Variants in ANKS1B observed in about 807,000 individuals in gnomAD.
The protein encoded by ANKS1B is ankyrin repeat and sterile alpha motif domain-containing protein 1B.
ANKS1B carries 36 observed loss-of-function variants against 148.3 expected under a neutral mutation model. That is an observed-to-expected ratio of 0.24 (90% CI 0.19 to 0.32). ANKS1B has a LOEUF of 0.32. ANKS1B is among the 10% of genes least tolerant of loss of function. The probability of loss-of-function intolerance (pLI) is 1.00; values close to 1 mark genes in which losing one functional copy is unlikely to be tolerated. For missense variants in ANKS1B, 1,157 were observed against 1,542.6 expected (o/e 0.75, Z 4.19); for synonymous variants, 542 against 560.8 (o/e 0.97, Z 0.47).
At chr12:99,259,708 C>T (rs1053134992) in intron 12 of ANKS1B, among the ~76,000 whole-genome samples, 1 of 152,132 alleles carries the variant, frequency 6.6e-6, no homozygotes, top group Non-Finnish European at 1.5e-5. Flanking sequence ...TCTTGGCATG[C>T]GCTTTGCATT....
intron 15 of ANKS1B, among the ~76,000 whole-genome samples, chr12:99,095,565 G>A (rs2055757998): frequency 6.6e-6 from 1 of 152,114 alleles, no homozygotes; most frequent in Non-Finnish European, 1.5e-5. Flanking sequence ...GGTTAGTTCT[G>A]CATAAAAAAC....
chr12:99,830,190 C>A (rs1027456466), intron 1 of ANKS1B, among the ~76,000 whole-genome samples: 1 of 152,132 alleles, frequency 6.6e-6, no homozygotes, highest in Non-Finnish European at 1.5e-5. Context: ...AATAAGATAT[C>A]ATCTCTTCCT....
rs1025878159 is a variant in ANKS1B, at chr12:98,751,664, A to T, written c.3580-142T>A. The T allele has an allele frequency of 6.2e-6, 5 of 809,344 alleles. No individual in the cohort carries two copies. Among genetic ancestry groups the T allele is most frequent in the Non-Finnish European group, 1.0e-5 (5 of 494,432 alleles). The allele number at this position is 809,344 out of a possible 1,614,324, so 50.1% of individuals were successfully genotyped here. A position where few individuals can be genotyped will look rare whatever the true frequency, so the allele number is the denominator to read the frequency against. ...GGCAGCAGCGATTCGGTGGAAATCTACAAAGAACAGGACACTCCGGGTCCA... is the reference window on the plus strand; with the variant it reads ...GGCAGCAGCGATTCGGTGGAAATCTTCAAAGAACAGGACACTCCGGGTCCA... On this transcript the variant is annotated intron_variant, in intron 25 of 26. Transcript: ENST00000683438. This position sits in a 1 kb window ranked among gnomAD's most constrained non-coding sequence, Gnocchi z 4.3.
At chr12:99,865,689 G>A (rs529523092) in intron 1 of ANKS1B, among the ~76,000 whole-genome samples, 10 of 152,238 alleles carry the variant, frequency 6.6e-5, no homozygotes, top group Non-Finnish European at 1.3e-4. Flanking sequence ...ATAGTAGGAG[G>A]AAAAAGAAGG....
chr12:99,455,415 A>G (rs2095831439), intron 10 of ANKS1B, among the ~76,000 whole-genome samples: 1 of 152,186 alleles, frequency 6.6e-6, no homozygotes, highest in Non-Finnish European at 1.5e-5. Flanking sequence ...ATAGGAACAT[A>G]CCAGGAAAGC....
At chr12:99,802,605 C>G (rs977744481) in intron 4 of ANKS1B, among the ~76,000 whole-genome samples, 4 of 152,038 alleles carry the variant, frequency 2.6e-5, no homozygotes, top group Non-Finnish European at 5.9e-5. Context: ...ATATTAACAT[C>G]AATGCTGCAT....
intron 10 of ANKS1B, among the ~76,000 whole-genome samples, chr12:99,460,298 A>G (rs1189739436): frequency 6.6e-6 from 1 of 152,214 alleles, no homozygotes; most frequent in Non-Finnish European, 1.5e-5. Context: ...CTAAGACCTG[A>G]AACCATAACA....
At chr12:99,873,346 C>T (rs1266908328) in intron 1 of ANKS1B, among the ~76,000 whole-genome samples, 2 of 152,110 alleles carry the variant, frequency 1.3e-5, no homozygotes, top group Non-Finnish European at 2.9e-5. Context: ...TTCTTTGGAG[C>T]CACTCGATTC....
intron 2 of ANKS1B, among the ~76,000 whole-genome samples, chr12:99,817,553 T>C (rs764962231): frequency 2.0e-5 from 3 of 151,642 alleles, no homozygotes; most frequent in Admixed American, 1.3e-4. Context: ...TGAAATCATA[T>C]AGTAATTCTA....
At chr12:99,623,621 T>G (rs112607638) in intron 9 of ANKS1B, among the ~76,000 whole-genome samples, 2,064 of 151,654 alleles carry the variant, frequency 0.014, 49 homozygotes, top group African/African-American at 0.047. Flanking sequence ...GGCTCTTATC[T>G]GAGAGCCATA....
rs147851221 is a variant in ANKS1B at position 99,836,982 on chromosome 12, A to G, written c.135-11593T>C. ...TCTCTGGAACGTGTGCATATTTTGT[A>G]TTACACAGCAAGGGAGAATTAAGGT... On this transcript the variant is annotated intron_variant, in intron 1 of 26. Coordinates refer to ENST00000683438, the MANE Select transcript of ANKS1B (RefSeq NM_001352186.2). 1.7e-3 allele frequency among the ~76,000 whole-genome samples: 254 copies of G among 152,278 alleles called. 1 individual carries two copies. The highest frequency in any genetic ancestry group is 3.8e-3 in the African/African-American group (160 of 41,564).
At chr12:99,416,945 G>C (rs1258108530) in intron 11 of ANKS1B, among the ~76,000 whole-genome samples, 2 of 152,130 alleles carry the variant, frequency 1.3e-5, no homozygotes, top group Non-Finnish European at 2.9e-5. Flanking sequence ...AAGGGAGAAG[G>C]GCAGGCTCTT....
chr12:98,999,943 A>G (rs758262372), intron 17 of ANKS1B, among the ~76,000 whole-genome samples: 50 of 152,114 alleles, frequency 3.3e-4, no homozygotes, highest in Non-Finnish European at 6.6e-4. Flanking sequence ...TCACACTGCA[A>G]ATTTTACGAG....
intron 2 of ANKS1B, among the ~76,000 whole-genome samples, chr12:99,812,709 T>C (rs183160655): frequency 1.6e-4 from 24 of 151,398 alleles, no homozygotes; most frequent in Non-Finnish European, 2.8e-4. Flanking sequence ...ATTTTTTTTT[T>C]TAAAAAAAGA....
intron 25 of ANKS1B, among the ~76,000 whole-genome samples, chr12:98,766,272 T>G (rs921553794): frequency 6.6e-6 from 1 of 152,098 alleles, no homozygotes; most frequent in African/African-American, 2.4e-5. Flanking sequence ...TATCTATTCT[T>G]TTTTGGGAGG....
intron 17 of ANKS1B, among the ~76,000 whole-genome samples, chr12:99,015,780 G>A (rs1316824357): frequency 6.6e-6 from 1 of 152,024 alleles, no homozygotes; most frequent in Non-Finnish European, 1.5e-5. Flanking sequence ...GCAGGAGAAT[G>A]GTGTGAACCT....
intron 12 of ANKS1B, among the ~76,000 whole-genome samples, chr12:99,355,529 T>C (rs2091892399): frequency 6.6e-6 from 1 of 152,308 alleles, no homozygotes; most frequent in Non-Finnish European, 1.5e-5. Flanking sequence ...TAAGCCTCAC[T>C]GCCCTGCAAA....
In ANKS1B at chr12:98,995,393, C is replaced by A. The variant is rs533039793; in HGVS notation, c.2778+57764G>T. Among the ~76,000 whole-genome samples, 3 of 152,174 alleles carry A rather than the reference C, an allele frequency of 2.0e-5. No homozygotes were observed. In the South Asian group the frequency reaches 6.2e-4, roughly 32 times the overall value. On this transcript the variant is annotated intron_variant, in intron 17 of 26. Transcript: ENST00000683438. ...ATCACCTGAGGTCAGGAGTTCAAGA[C>A]CAGCCTAGCCAACATGGTGAAACCC...
At chr12:99,729,628 G>T (rs1280100484) in intron 8 of ANKS1B, among the ~76,000 whole-genome samples, 1 of 151,930 alleles carries the variant, frequency 6.6e-6, no homozygotes, top group East Asian at 1.9e-4. Context: ...TTTTCTGTTA[G>T]TCTGATTTCT....
Sources: gnomAD v4.1 joint callset for allele counts (sites outside exome capture counted in the v4.1 genomes callset) on GRCh38, gnomAD v4.1.1 for gene constraint, Gnocchi (gnomAD v3.1) non-coding constraint, MANE v1.5 for transcripts, NCBI Gene and HGNC (gene_info 2026-07-23, HGNC 2026-07-21) for gene names.